The following SNURF variants were observed in gnomAD, a reference collection of about 807,000 sequenced individuals.
The protein encoded by SNURF is SNRPN upstream open reading frame.
In SNURF, 6 loss-of-function variants were observed where a neutral mutation model predicts 11.6. The observed-to-expected ratio is 0.52, with a 90% CI of 0.28 to 1.02. The LOEUF (loss-of-function observed/expected upper bound fraction) is 1.02. SNURF is among the 50% of genes least tolerant of loss of function. SNURF has a pLI of 0.09. For missense variants in SNURF, 84 were observed against 88.4 expected (o/e 0.95, Z 0.20); for synonymous variants, 29 against 31.6 (o/e 0.92, Z 0.27).
chr15:24,961,378 A>G (rs2074779440), intron 1 of SNURF, among the ~76,000 whole-genome samples: 1 of 152,154 alleles, frequency 6.6e-6, no homozygotes, highest in Admixed American at 6.5e-5. Context: ...TTGAGATATT[A>G]CTTGTGTTAC....
At position 24,955,063 on chromosome 15, in the gene SNURF, G is replaced by C. The variant is rs1163814390; in HGVS notation, c.14+1G>C. The C allele has an allele frequency of 1.2e-6, 2 of 1,613,528 alleles. No homozygotes were observed. The highest frequency in any genetic ancestry group is 1.3e-5 in the African/African-American group (1 of 75,046). On this transcript the variant is annotated splice_donor_variant, in intron 1 of 2. Transcript: ENST00000577949. LOFTEE classifies it high-confidence loss of function. The stretch of plus-strand genomic sequence containing the variant: ...TCAGTGACGCGATGGAGCGGGCAAG[G>C]TCAGCTGTGCCGGTGGCTTCTCTCA...
chr15:24,970,654 A>C (rs2076286186), downstream of SNURF, among the ~76,000 whole-genome samples: 1 of 152,182 alleles, frequency 6.6e-6, no homozygotes, highest in Non-Finnish European at 1.5e-5. Context: ...ATCCAACTGG[A>C]TACCTACCTA....
chr15:24,974,789 C>T (rs1442597897), intron 3 of SNURF: 4 of 631,710 alleles, frequency 6.3e-6, no homozygotes, highest in Non-Finnish European at 8.5e-6. Flanking sequence ...AGGCTCCTGA[C>T]CTCTGGTGAT....
At chr15:24,967,763 G>T (rs2075861715) in intron 2 of SNURF, among the ~76,000 whole-genome samples, 169 bp from the exon 3 acceptor site, 1 of 144,202 alleles carries the variant, frequency 6.9e-6, no homozygotes, top group South Asian at 2.1e-4. Flanking sequence ...AGCAGAAATT[G>T]CTTCATTGCA....
At chr15:24,962,905 G>T (rs2075055883) in intron 2 of SNURF, among the ~76,000 whole-genome samples, 1 of 151,404 alleles carries the variant, frequency 6.6e-6, no homozygotes, top group Non-Finnish European at 1.5e-5. Context: ...AGCTACAATT[G>T]TTTTTTTTAA....
At chr15:24,975,820 C>T (rs2076998374) in intron 4 of SNURF, among the ~76,000 whole-genome samples, 1 of 152,168 alleles carries the variant, frequency 6.6e-6, no homozygotes, top group Admixed American at 6.5e-5. Context: ...CTGCAGCAGT[C>T]TTAGACCAAA....
exon 3 of SNURF, chr15:24,968,204 T>A: frequency 1.6e-6 from 1 of 644,486 alleles, no homozygotes; most frequent in Non-Finnish European, 2.7e-6. Context: ...AATAAACACA[T>A]TGCAGAAAGT....
chr15:24,967,945 C>T, exon 3 of SNURF: 1 of 1,613,784 alleles, frequency 6.2e-7, no homozygotes, highest in Non-Finnish European at 8.5e-7. Context: ...TCAGTTGTAC[C>T]CGAGGCGTTC....
chr15:24,959,282 AAGT>A (rs1171079818), intron 1 of SNURF, among the ~76,000 whole-genome samples: 2 of 152,106 alleles, frequency 1.3e-5, no homozygotes, highest in African/African-American at 4.8e-5. Flanking sequence ...ACATTCAATA[AAGT>A]AGTGTTTTCA....
In SNURF at chr15:24,977,819, T is replaced by A. The variant is rs368621460; in HGVS notation, c.*504T>A. The A allele has an allele frequency of 2.5e-4, 405 of 1,613,072 alleles. No individual in the cohort carries two copies. Among genetic ancestry groups the A allele is most frequent in the Non-Finnish European group, 3.3e-4 (392 of 1,179,390 alleles). On this transcript the variant is annotated 3_prime_UTR_variant and NMD_transcript_variant, in exon 7 of 7. Transcript: ENST00000580062. Reference sequence around the variant, plus strand: ...GAAGAGGCACTGTAGCAGCTGCTGCTGTTGCTGCGACTGCCAGTATTGCTG... The same window carrying A: ...GAAGAGGCACTGTAGCAGCTGCTGCAGTTGCTGCGACTGCCAGTATTGCTG...
downstream of SNURF, chr15:24,978,365 A>G (rs567896219): frequency 8.6e-5 from 138 of 1,613,718 alleles, 3 homozygotes; most frequent in South Asian, 1.3e-3. Context: ...GCCCCTGAAT[A>G]TGTGTATCCT....
intron 1 of SNURF, among the ~76,000 whole-genome samples, chr15:24,956,359 G>GGGC (rs200069493): frequency 1.3e-5 from 2 of 151,392 alleles, no homozygotes; most frequent in Non-Finnish European, 2.9e-5. Flanking sequence ...TTCAGCGGGG[G>GGGC]GGTGGCCGCT....
intron 1 of SNURF, among the ~76,000 whole-genome samples, chr15:24,959,075 G>A (rs983834607): frequency 3.3e-5 from 5 of 152,224 alleles, no homozygotes; most frequent in African/African-American, 9.6e-5. Context: ...AATTTAGGCC[G>A]TAATAAAATT....
intron 5 of SNURF, chr15:24,976,758 C>A: frequency 1.1e-6 from 1 of 874,052 alleles, no homozygotes; most frequent in Admixed American, 2.5e-5. Flanking sequence ...CATTTGGACA[C>A]AGAACTAATA....
downstream of SNURF, among the ~76,000 whole-genome samples, chr15:24,969,904 G>A (rs951990061): frequency 1.3e-5 from 2 of 152,146 alleles, no homozygotes; most frequent in Admixed American, 6.6e-5. Flanking sequence ...TTGGTGCTAC[G>A]GTGGTGCAGC....
intron 2 of SNURF, among the ~76,000 whole-genome samples, chr15:24,967,730 C>T (rs977744207): frequency 6.7e-6 from 1 of 149,798 alleles, no homozygotes; most frequent in Non-Finnish European, 1.5e-5. Context: ...ATCACTTGAA[C>T]CCCGAAGGCA....
downstream of SNURF, among the ~76,000 whole-genome samples, chr15:24,971,143 CATTT>C (rs1229279589): frequency 1.3e-5 from 2 of 152,072 alleles, no homozygotes; most frequent in African/African-American, 4.8e-5. Context: ...GTAGTTTAAT[CATTT>C]GAAAGTCTAC....
intron 3 of SNURF, chr15:24,974,849 C>A: frequency 1.4e-6 from 1 of 693,480 alleles, no homozygotes. Flanking sequence ...ATGAGATGAG[C>A]CACTGTGCCT....
At chr15:24,971,065 T>C (rs1227837043), downstream of SNURF, among the ~76,000 whole-genome samples, 4 of 151,114 alleles carry the variant, frequency 2.6e-5, no homozygotes, top group African/African-American at 9.9e-5. Context: ...TACTATTTGC[T>C]ATGTGTGCTT....
Sources: allele counts gnomAD v4.1 joint callset (sites outside exome capture counted in the v4.1 genomes callset), GRCh38; gene constraint gnomAD v4.1.1; transcripts MANE v1.5; gene names NCBI Gene and HGNC (gene_info 2026-07-23, HGNC 2026-07-21).